Variants in PSAT1 observed in about 807,000 individuals in gnomAD.
PSAT1 encodes the protein phosphoserine aminotransferase 1.
PSAT1 carries 41 observed loss-of-function variants against 40.3 expected under a neutral mutation model. The observed-to-expected ratio is 1.02, with a 90% CI of 0.79 to 1.32. The LOEUF is 1.32. Ranked by LOEUF, PSAT1 falls within the 40% of genes most tolerant of loss-of-function variation. The probability of loss-of-function intolerance (pLI) is 0.00; values close to 1 mark genes in which losing one functional copy is unlikely to be tolerated. For synonymous variants in PSAT1, 147 were observed against 170.5 expected, an observed-to-expected ratio of 0.86 and a Z score of 1.07; for missense variants, 406 against 455.8, an observed-to-expected ratio of 0.89 and a Z score of 0.99.
chr9:78,300,695 A>G (rs375560257), intron 2 of PSAT1, 33 bp downstream of exon 2: 289 of 1,330,114 alleles, frequency 2.2e-4, no homozygotes, highest in South Asian at 1.0e-3. Flanking sequence ...GTGAATGTCC[A>G]TGTTTCAAAG....
intron 7 of PSAT1, among the ~76,000 whole-genome samples, chr9:78,323,179 C>T (rs556430832): frequency 2.6e-5 from 4 of 152,236 alleles, no homozygotes; most frequent in Admixed American, 2.0e-4. Context: ...AAGGATGAAG[C>T]GGGTCTCTTA....
rs777080315 is a variant in PSAT1, at chr9:78,304,911, T to C, written c.368T>C (p.Ile123Thr). Residue 123 changes from isoleucine to threonine, a missense_variant, in exon 4 of 9, where the codon ATC becomes ACC. Physicochemically the swap from Ile to Thr is moderately conservative, Grantham distance 89. Coordinates refer to ENST00000376588, the MANE Select transcript of PSAT1 (RefSeq NM_058179.4). The part of the protein sequence containing the change: ...EEAKKFGTIN[I>T]VHPKLGSYTK... ...GCCAAGAAGTTTGGGACTATAAATA[T>C]CGTTCACCCTAAACTTGGGAGTTAT... 4.3e-6 allele frequency: 7 copies of C among 1,612,846 alleles called. No homozygotes were observed. In the South Asian group the frequency reaches 7.7e-5, roughly 18 times the overall value.
Position 78,327,960 on chromosome 9 carries a change from A to G in PSAT1, c.870-91A>G, listed in dbSNP as rs560213904. ...TTTAAAAAATCTTCTGCTTGCATCTAGGAAGTGTTAAGAAAAAAAAATCTG... is the reference window on the plus strand; with the variant it reads ...TTTAAAAAATCTTCTGCTTGCATCTGGGAAGTGTTAAGAAAAAAAAATCTG... On this transcript the variant is annotated intron_variant, in intron 7 of 8. Coordinates refer to ENST00000376588, the MANE Select transcript of PSAT1 (RefSeq NM_058179.4). 5,831 of 1,367,918 alleles carry G rather than the reference A, an allele frequency of 4.3e-3. 27 individuals are homozygous for G. Among genetic ancestry groups the G allele is most frequent in the Non-Finnish European group, 5.5e-3 (5,282 of 965,314 alleles). The allele number at this position is 1,367,918 out of a possible 1,614,324, so 84.7% of individuals were successfully genotyped here.
intron 1 of PSAT1, 46 bp from the exon 2 acceptor site, chr9:78,300,556 T>C: frequency 3.2e-6 from 5 of 1,585,910 alleles, no homozygotes; most frequent in Non-Finnish European, 4.3e-6. Flanking sequence ...GGGAAAGCAG[T>C]GCAGAACATA....
chr9:78,302,733 CAAAAAAAAAAA>C (rs373285782), intron 3 of PSAT1, among the ~76,000 whole-genome samples: 21 of 104,216 alleles, frequency 2.0e-4, no homozygotes, highest in South Asian at 6.3e-4. Context: ...GACTCCGTCT[CAAAAAAAAAAA>C]AAAAAAAAAA....
At chr9:78,325,517 A>G (rs1316083953) in intron 7 of PSAT1, among the ~76,000 whole-genome samples, 1 of 152,238 alleles carries the variant, frequency 6.6e-6, no homozygotes, top group Non-Finnish European at 1.5e-5. Context: ...TTGCAGATGC[A>G]GCTGTCTGCC....
rs1828557272 is a variant in PSAT1 at position 78,330,034 on chromosome 9, A to G, written c.*948A>G. ...CTGAAAAGTCTTTCCCCTATTGTTT[A>G]TCTATTGTCAGTATTTTATGTTGAA... On this transcript the variant is annotated 3_prime_UTR_variant, in exon 9 of 9. Transcript: ENST00000376588. The G allele has an allele frequency of 1.3e-5, 2 of 152,154 alleles. No individual in the cohort carries two copies. Among genetic ancestry groups the G allele is most frequent in the African/African-American group, 4.8e-5 (2 of 41,430 alleles). The allele number at this position is 152,154 out of a possible 1,614,324, so 9.4% of individuals were successfully genotyped here. A position where few individuals can be genotyped will look rare whatever the true frequency, so the allele number is the denominator to read the frequency against.
intron 7 of PSAT1, among the ~76,000 whole-genome samples, chr9:78,319,208 G>A (rs1828392846): frequency 6.6e-6 from 1 of 152,210 alleles, no homozygotes; most frequent in South Asian, 2.1e-4. Flanking sequence ...GTACTTTTTA[G>A]CCAAGACTTA....
intron 7 of PSAT1, among the ~76,000 whole-genome samples, chr9:78,323,070 A>G (rs1213953779): frequency 2.0e-5 from 3 of 152,192 alleles, no homozygotes; most frequent in African/African-American, 2.4e-5. Context: ...AGCAAGTCCA[A>G]TGTAAGATGT....
intron 7 of PSAT1, among the ~76,000 whole-genome samples, chr9:78,322,950 C>G (rs542085064): frequency 1.3e-5 from 2 of 152,292 alleles, no homozygotes; most frequent in Admixed American, 1.3e-4. Context: ...TTGCAGCGCT[C>G]ATTATAATTC....
chr9:78,315,477 T>A (rs1420911816), intron 6 of PSAT1, among the ~76,000 whole-genome samples: 2 of 152,236 alleles, frequency 1.3e-5, no homozygotes. Flanking sequence ...CTGTCTCTTT[T>A]GTCCCTCTGA....
Position 78,311,571 on chromosome 9 carries a change from C to T in PSAT1, c.740+2988C>T, listed in dbSNP as rs143321603. Among the ~76,000 whole-genome samples, 521 of 152,158 alleles carry T rather than the reference C, an allele frequency of 3.4e-3. 3 individuals carry two copies. Among genetic ancestry groups the T allele is most frequent in the African/African-American group, 0.012 (496 of 41,522 alleles). ...GAACACGGCCGGGTGCGGTGGCTCA[C>T]ACCTGTAATCCCAGCACTTTGGGAG... On this transcript the variant is annotated intron_variant, in intron 6 of 8. Coordinates refer to ENST00000376588, the MANE Select transcript of PSAT1 (RefSeq NM_058179.4).
Position 78,324,585 on chromosome 9 carries a change from A to G in PSAT1, c.870-3466A>G, listed in dbSNP as rs527392703. Among the ~76,000 whole-genome samples, 5 of 152,328 alleles carry G rather than the reference A, an allele frequency of 3.3e-5. No individual in the cohort carries two copies. The East Asian group carries it at 7.7e-4, about 23-fold the overall frequency. ...TTGCTCACTGGGGAGCAGGGGCTAG[A>G]TCCAGCCCACAGTGGTGCTTGACGG... On this transcript the variant is annotated intron_variant, in intron 7 of 8. Transcript: ENST00000376588.
chr9:78,306,201 C>T (rs1828179699), intron 4 of PSAT1, 113 bp from the exon 5 acceptor site: 1 of 1,119,934 alleles, frequency 8.9e-7, no homozygotes, highest in Non-Finnish European at 1.4e-6. Flanking sequence ...GCTTTGGAGT[C>T]AGTTAGTCTT....
rs779995552 is a variant in PSAT1 at position 78,308,521 on chromosome 9, G to A, written c.678G>A (p.Ser226=). The change falls in exon 6 of 9, where the codon TCG becomes TCA. Residue 226 remains serine, a synonymous_variant. Transcript: ENST00000376588. ...LLGFALRECP[S]VLEYKVQAGN... ...GGTTTGCCCTCCGAGAGTGCCCCTC[G>A]GTCCTGGAATACAAGGTGCAGGCTG... 6 of 1,613,962 alleles carry A rather than the reference G, an allele frequency of 3.7e-6. No homozygotes were observed. The highest frequency in any genetic ancestry group is 3.4e-6 in the Non-Finnish European group (4 of 1,179,970).
chr9:78,315,835 C>T (rs78358068), intron 6 of PSAT1, among the ~76,000 whole-genome samples: 15,189 of 152,298 alleles, frequency 0.1, 1,056 homozygotes, highest in Non-Finnish European at 0.15. Flanking sequence ...GAGCATTTTC[C>T]AGACCCCATA....
At chr9:78,315,690 T>C (rs1456431986) in intron 6 of PSAT1, among the ~76,000 whole-genome samples, 2 of 152,146 alleles carry the variant, frequency 1.3e-5, no homozygotes, top group African/African-American at 4.8e-5. Context: ...CTAAGGCCCC[T>C]CTGGGCAGCC....
intron 2 of PSAT1, among the ~76,000 whole-genome samples, chr9:78,301,045 G>A (rs1828100612): frequency 6.6e-6 from 1 of 152,126 alleles, no homozygotes; most frequent in South Asian, 2.1e-4. Flanking sequence ...GGCCCAAAGG[G>A]AACTAATTTA....
At position 78,320,427 on chromosome 9, in the gene PSAT1, C is replaced by A. The variant is rs537094468; in HGVS notation, c.869+2623C>A. The stretch of plus-strand genomic sequence containing the variant: ...ACCTATCTATCCATCTACCTACACA[C>A]CCACCCATCCATCTATCCATCCATC... On this transcript the variant is annotated intron_variant, in intron 7 of 8. Coordinates refer to ENST00000376588, the MANE Select transcript of PSAT1 (RefSeq NM_058179.4). 2.2e-3 allele frequency among the ~76,000 whole-genome samples: 337 copies of A among 150,742 alleles called. 2 individuals carry two copies. The highest frequency in any genetic ancestry group is 8.1e-3 in the African/African-American group (331 of 41,000).
Sources: gnomAD v4.1 joint callset for allele counts (sites outside exome capture counted in the v4.1 genomes callset) on GRCh38, gnomAD v4.1.1 for gene constraint, MANE v1.5 for transcripts, NCBI Gene and HGNC (gene_info 2026-07-23, HGNC 2026-07-21) for gene names.